TNFRSF25: variants seen among roughly 807,000 people sequenced by gnomAD.
The protein encoded by TNFRSF25 is tumor necrosis factor receptor superfamily member 25.
A neutral mutation model predicts 49.4 loss-of-function variants in TNFRSF25; 28 were observed. The ratio of observed to expected loss-of-function variants is 0.57; its 90% CI spans 0.42 to 0.78. The LOEUF is 0.78. Among genes scored for constraint, TNFRSF25 ranks in the 30% least tolerant of loss-of-function variants. The pLI is 0.00. For missense variants in TNFRSF25, 531 were observed against 581.6 expected (o/e 0.91, Z 0.90); for synonymous variants, 240 against 234.2 (o/e 1.02, Z -0.23).
At position 6,462,490 on chromosome 1, in the gene TNFRSF25, CCA is replaced by C; in HGVS notation, c.744+137_744+138del. 1 of 1,515,502 alleles carries C rather than the reference CCA, an allele frequency of 6.6e-7. No individual in the cohort carries two copies. The highest frequency in any genetic ancestry group is 8.8e-7 in the Non-Finnish European group (1 of 1,134,956). 93.9% of individuals were successfully genotyped at this position (1,515,502 alleles called of 1,614,324 possible). A position where few individuals can be genotyped will look rare whatever the true frequency, so the allele number is the denominator to read the frequency against. On this transcript the variant is annotated intron_variant, in intron 8 of 9. Coordinates refer to ENST00000356876, the MANE Select transcript of TNFRSF25 (RefSeq NM_003790.3). This position sits in a 1 kb window ranked among gnomAD's most constrained non-coding sequence, Gnocchi z 4.2. ...AGGGCAGGCACTGTGCTGGTCTCAT[CCA>C]CTGATGACTCTGCTCCCAACACCTC... is the stretch of plus-strand genomic sequence containing the variant.
chr1:6,466,079 G>A lies in TNFRSF25; in HGVS notation c.29C>T (p.Ala10Val), dbSNP rs1644360406. Reference sequence around the variant, plus strand: ...TGCGTCTCAACTCACCGCCGCCACCGCCGCGCAGCCCCGCGGCCGCTGCTC... The same window carrying A: ...TGCGTCTCAACTCACCGCCGCCACCACCGCGCAGCCCCGCGGCCGCTGCTC... MEQRPRGCA[A>V]VAAALLLVLL... is the part of the protein sequence containing the mutation. Residue 10 changes from alanine (A) to valine (V), a missense_variant, in exon 1 of 10, where the codon GCG (alanine) becomes GTG (valine). Physicochemically the swap from Ala to Val is moderately conservative, Grantham distance 64. Coordinates refer to ENST00000356876, the MANE Select transcript of TNFRSF25 (RefSeq NM_003790.3). The A allele has an allele frequency of 1.3e-6, 2 of 1,577,500 alleles. No individual in the cohort carries two copies. Among genetic ancestry groups the A allele is most frequent in the Admixed American group, 1.8e-5 (1 of 56,668 alleles).
Position 6,461,775 on chromosome 1 carries a change from C to A in TNFRSF25, c.926-13G>T. 3 of 1,503,314 alleles carry A rather than the reference C, an allele frequency of 2.0e-6. No individual in the cohort carries two copies. Among genetic ancestry groups the A allele is most frequent in the Non-Finnish European group, 2.7e-6 (3 of 1,127,578 alleles). 93.1% of individuals were successfully genotyped at this position (1,503,314 alleles called of 1,614,324 possible). A position where few individuals can be genotyped will look rare whatever the true frequency, so the allele number is the denominator to read the frequency against. On this transcript the variant is annotated splice_polypyrimidine_tract_variant and intron_variant, in intron 9 of 9. Transcript: ENST00000356876. The surrounding 1 kb of genome is among the most constrained non-coding windows in gnomAD (Gnocchi z 6.3). ...GCAGCAGCGGGGCCTGGGGCAGGGC[C>A]AGAGAGAGCCAATTGGGGTACGTGG... is the stretch of plus-strand genomic sequence containing the variant.
chr1:6,460,973 T>C lies in TNFRSF25; in HGVS notation c.*461A>G, dbSNP rs938171116. On this transcript the variant is annotated 3_prime_UTR_variant, in exon 10 of 10. Transcript: ENST00000356876. ...GCTGTGGCCGCGACTTGCTCTCTCC[T>C]TCTCGGGGTAATTGAGCCAGAGTGG... 1.9e-5 allele frequency: 7 copies of C among 375,990 alleles called. No homozygotes were observed. Among genetic ancestry groups the C allele is most frequent in the African/African-American group, 1.5e-4 (7 of 46,678 alleles). The allele number at this position is 375,990 out of a possible 1,614,324, so 23.3% of individuals were successfully genotyped here.
intron 5 of TNFRSF25, chr1:6,464,129 A>AG: frequency 8.7e-6 from 12 of 1,380,580 alleles, no homozygotes; most frequent in Non-Finnish European, 1.1e-5. Context: ...ATATCTGGCT[A>AG]GGATCGCTGG....
In TNFRSF25 at chr1:6,465,917, C is replaced by T. The variant is rs528358263; in HGVS notation, c.39+152G>A. The T allele has an allele frequency of 1.5e-4, 210 of 1,434,910 alleles. No individual in the cohort carries two copies. The South Asian group carries it at 1.6e-3, about 11-fold the overall frequency. The allele number at this position is 1,434,910 out of a possible 1,614,324, so 88.9% of individuals were successfully genotyped here. A position where few individuals can be genotyped will look rare whatever the true frequency, so the allele number is the denominator to read the frequency against. On this transcript the variant is annotated intron_variant, in intron 1 of 9. Transcript: ENST00000356876. ...GGGTTTCCTCTCAGTGGAAGGGCTA[C>T]GCCCTGGAGGAGCCTTTAACGAGAT...
rs34221914 is a variant in TNFRSF25, at chr1:6,462,148, G to T, written c.771C>A (p.Ser257Arg). 1 of 1,612,290 alleles carries T rather than the reference G, an allele frequency of 6.2e-7. No individual in the cohort carries two copies. The highest frequency in any genetic ancestry group is 1.1e-5 in the South Asian group (1 of 90,970). ...CAGGAGGTGCTAGAAGGGTGTGGGC[G>T]CTGTCCAAGGGTGACAGATGGGTGG... ...PPATHLSPLDSAHTLLAPPDS... is the reference protein window; with the variant it reads ...PPATHLSPLDRAHTLLAPPDS... The change falls in exon 9 of 10, where the codon AGC becomes AGA. Residue 257 changes from serine (S) to arginine (R), a missense_variant. Coordinates refer to ENST00000356876, the MANE Select transcript of TNFRSF25 (RefSeq NM_003790.3). The surrounding 1 kb of genome is among the most constrained non-coding windows in gnomAD (Gnocchi z 4.2).
Position 6,461,049 on chromosome 1 carries a change from G to A in TNFRSF25, c.*385C>T, listed in dbSNP as rs566610170. On this transcript the variant is annotated 3_prime_UTR_variant, in exon 10 of 10. Coordinates refer to ENST00000356876, the MANE Select transcript of TNFRSF25 (RefSeq NM_003790.3). This position sits in a 1 kb window ranked among gnomAD's most constrained non-coding sequence, Gnocchi z 6.3. ...TAAGGCCACACTGGACTCCACCATG[G>A]GTGCCAGATCCCGGGGTGACAAGAT... The A allele has an allele frequency of 1.3e-5, 6 of 452,772 alleles. No individual in the cohort carries two copies. The East Asian group carries it at 3.8e-4, about 29-fold the overall frequency. 28.0% of individuals were successfully genotyped at this position (452,772 alleles called of 1,614,324 possible).
In TNFRSF25 at chr1:6,462,431, C is replaced by T. The variant is rs888035082; in HGVS notation, c.744+198G>A. The T allele has an allele frequency of 3.6e-5, 49 of 1,354,982 alleles. No homozygotes were observed. Among genetic ancestry groups the T allele is most frequent in the African/African-American group, 4.4e-5 (3 of 68,024 alleles). The allele number at this position is 1,354,982 out of a possible 1,614,324, so 83.9% of individuals were successfully genotyped here. ...CCATTGAACTGTTAGCTCCTGTGTACGAATCTGAACTCCAGCTGACTGAGC... is the reference window on the plus strand; with the variant it reads ...CCATTGAACTGTTAGCTCCTGTGTATGAATCTGAACTCCAGCTGACTGAGC... On this transcript the variant is annotated intron_variant, in intron 8 of 9. Coordinates refer to ENST00000356876, the MANE Select transcript of TNFRSF25 (RefSeq NM_003790.3). This position sits in a 1 kb window ranked among gnomAD's most constrained non-coding sequence, Gnocchi z 4.2.
chr1:6,461,398 G>A lies in TNFRSF25; in HGVS notation c.*36C>T, dbSNP rs747276489. ...AACCGTACTTAGGGCTTCTGCAAGG[G>A]CCACCAGAGCGCCTAGGTGGCAAGT... On this transcript the variant is annotated 3_prime_UTR_variant, in exon 10 of 10. Coordinates refer to ENST00000356876, the MANE Select transcript of TNFRSF25 (RefSeq NM_003790.3). The surrounding 1 kb of genome is among the most constrained non-coding windows in gnomAD (Gnocchi z 6.3). 2 of 1,476,846 alleles carry A rather than the reference G, an allele frequency of 1.4e-6. No homozygotes were observed. Among genetic ancestry groups the A allele is most frequent in the South Asian group, 1.4e-5 (1 of 71,600 alleles). 91.5% of individuals were successfully genotyped at this position (1,476,846 alleles called of 1,614,324 possible).
rs551052580 is a variant in TNFRSF25 at position 6,465,551 on chromosome 1, G to C, written c.49C>G (p.Leu17Val). 2.5e-6 allele frequency: 4 copies of C among 1,613,038 alleles called. No homozygotes were observed. Among genetic ancestry groups the C allele is most frequent in the Non-Finnish European group, 2.5e-6 (3 of 1,179,750 alleles). The change falls in exon 2 of 10, where the codon CTG (leucine) becomes GTG (valine). Residue 17 changes from leucine (L) to valine (V), a missense_variant. Transcript: ENST00000356876. ...GCAAVAAALLLVLLGARAQGG... is the reference protein window; with the variant it reads ...GCAAVAAALLVVLLGARAQGG... The stretch of plus-strand genomic sequence containing the variant: ...TGGGCCCGGGCCCCCAGCAGCACCA[G>C]GAGGAGCGCCTGGGGGACAGGTGCT...
rs369260407 is a variant in TNFRSF25 at position 6,461,637 on chromosome 1, C to T, written c.1051G>A (p.Val351Met). 6.2e-7 allele frequency: 1 copy of T among 1,607,422 alleles called. No homozygotes were observed. The highest frequency in any genetic ancestry group is 8.5e-7 in the Non-Finnish European group (1 of 1,179,022). Residue 351 changes from valine to methionine, a missense_variant, in exon 10 of 10, where the codon GTG becomes ATG. Transcript: ENST00000356876. This position sits in a 1 kb window ranked among gnomAD's most constrained non-coding sequence, Gnocchi z 6.3. The stretch of plus-strand genomic sequence containing the variant: ...GCCTCGCGCAGCCCCAGCGTGCGCA[C>T]GAACTCCTTCCAGCGCCGCGCTGGG... The part of the protein sequence containing the change: ...AVPARRWKEF[V>M]RTLGLREAEI...
chr1:6,460,821 G>A lies in TNFRSF25; in HGVS notation c.*613C>T, dbSNP rs114274721. On this transcript the variant is annotated 3_prime_UTR_variant, in exon 10 of 10. Coordinates refer to ENST00000356876, the MANE Select transcript of TNFRSF25 (RefSeq NM_003790.3). ...CTGCCGGGACCCTTTCACTGCCCCG[G>A]TGGAGTGAATAGAGGATGAGGGGCC... 3.7e-3 allele frequency: 829 copies of A among 221,288 alleles called. 8 individuals carry two copies. Among genetic ancestry groups the A allele is most frequent in the African/African-American group, 0.017 (738 of 42,596 alleles). The allele number at this position is 221,288 out of a possible 1,614,324, so 13.7% of individuals were successfully genotyped here. A position where few individuals can be genotyped will look rare whatever the true frequency, so the allele number is the denominator to read the frequency against.
Position 6,462,043 on chromosome 1 carries a change from G to A in TNFRSF25, c.876C>T (p.Leu292=), listed in dbSNP as rs757606136. 6.2e-7 allele frequency: 1 copy of A among 1,613,500 alleles called. No homozygotes were observed. The highest frequency in any genetic ancestry group is 8.5e-7 in the Non-Finnish European group (1 of 1,179,940). The change falls in exon 9 of 10, where the codon CTC becomes CTT. Residue 292 remains leucine (L), a synonymous_variant. Transcript: ENST00000356876. This position sits in a 1 kb window ranked among gnomAD's most constrained non-coding sequence, Gnocchi z 4.2. ...TPGYPETQEA[L]CPQVTWSWDQ... ...CCCAGGACCATGTCACCTGCGGGCA[G>A]AGCGCCTCCTGGGTCTCGGGGTAGC... is the stretch of plus-strand genomic sequence containing the variant.
intron 1 of TNFRSF25, chr1:6,465,803 C>A: frequency 7.0e-7 from 1 of 1,425,088 alleles, no homozygotes; most frequent in Non-Finnish European, 9.1e-7. Context: ...GAGCAGGAAT[C>A]CAGCAGCGCC....
intron 5 of TNFRSF25, 178 bp downstream of exon 5, chr1:6,464,197 C>G: frequency 6.8e-7 from 1 of 1,467,818 alleles, no homozygotes; most frequent in South Asian, 1.4e-5. Flanking sequence ...TAAGGCGGAT[C>G]CAGATTGCTC....
intron 5 of TNFRSF25, chr1:6,464,156 A>G: frequency 7.1e-7 from 1 of 1,414,666 alleles, no homozygotes; most frequent in Non-Finnish European, 9.2e-7. Context: ...TGCTGGCTGA[A>G]AGTGAAGGCA....
intron 3 of TNFRSF25, 79 bp from the exon 4 acceptor site, chr1:6,464,798 C>T: frequency 2.0e-6 from 3 of 1,504,634 alleles, no homozygotes; most frequent in Non-Finnish European, 2.7e-6. Flanking sequence ...AGGCATTATC[C>T]CAAGATAATG....
chr1:6,462,741 G>C lies in TNFRSF25; in HGVS notation c.707-75C>G. 6.3e-7 allele frequency: 1 copy of C among 1,593,118 alleles called. No homozygotes were observed. The highest frequency in any genetic ancestry group is 1.2e-5 in the South Asian group (1 of 86,872). ...CCTGGGTGCTGGTACAGCTCCTCTA[G>C]GGTTCCTCTGCACCCCACACTCCCT... On this transcript the variant is annotated intron_variant, in intron 7 of 9. Coordinates refer to ENST00000356876, the MANE Select transcript of TNFRSF25 (RefSeq NM_003790.3). This position sits in a 1 kb window ranked among gnomAD's most constrained non-coding sequence, Gnocchi z 4.2.
At chr1:6,465,289 C>A (rs1644314483) in intron 2 of TNFRSF25, 67 bp from the exon 3 acceptor site, 1 of 1,558,390 alleles carries the variant, frequency 6.4e-7, no homozygotes, top group East Asian at 2.3e-5. Flanking sequence ...TGCTTCCCAC[C>A]CTGCCCTCCC....
Sources: allele counts gnomAD v4.1 joint callset, GRCh38; gene constraint gnomAD v4.1.1; non-coding constraint Gnocchi (gnomAD v3.1); transcripts MANE v1.5; gene names NCBI Gene and HGNC (gene_info 2026-07-23, HGNC 2026-07-21).